The following RHBG variants were observed in gnomAD, a reference collection of about 807,000 sequenced individuals.
The protein encoded by RHBG is Rh family B glycoprotein, also known as ammonium transporter Rh type B.
RHBG carries 39 observed loss-of-function variants against 40.1 expected under a neutral mutation model. That is an observed-to-expected ratio of 0.97 (90% confidence interval 0.75 to 1.27). The LOEUF is 1.27. Among genes scored for constraint, RHBG ranks in the 50% most tolerant of loss-of-function variants. The pLI, the probability that RHBG is intolerant of heterozygous loss-of-function variation, is 0.00. For synonymous variants in RHBG, 237 were observed against 252.5 expected, an observed-to-expected ratio of 0.94 and a Z score of 0.58; for missense variants, 549 against 588.1, an observed-to-expected ratio of 0.93 and a Z score of 0.69.
chr1:156,382,002 C>T, intron 6 of RHBG, 59 bp downstream of exon 6: 1 of 1,608,428 alleles, frequency 6.2e-7, no homozygotes, highest in East Asian at 2.2e-5. Flanking sequence ...TTTCCTCCCG[C>T]CTCTCCAACA....
At chr1:156,374,209 A>C in intron 1 of RHBG, among the ~76,000 whole-genome samples, 1 of 152,260 alleles carries the variant, frequency 6.6e-6, no homozygotes, top group Non-Finnish European at 1.5e-5. Flanking sequence ...CCTTATGAGA[A>C]TCTAATGCCT....
Position 156,382,849 on chromosome 1 carries a change from C to A in RHBG, c.1214C>A (p.Ser405Tyr). Residue 405 changes from serine to tyrosine, a missense_variant, in exon 8 of 10, where the codon TCT becomes TAT. Ser to Tyr is a moderately radical substitution (Grantham distance 144). This residue lies in a region of RHBG where 399 missense variants were observed against 417.0 expected (regional missense o/e 0.96). Transcript: ENST00000537040. ...CTGTTTGTCACACTGATGTTTGCCTCTGTGGGCGGGGGCCTTGGAGGTGAG... is the reference window on the plus strand; with the variant it reads ...CTGTTTGTCACACTGATGTTTGCCTATGTGGGCGGGGGCCTTGGAGGTGAG... ...FGLFVTLMFA[S>Y]VGGGLGGLLL... The A allele has an allele frequency of 1.9e-6, 3 of 1,614,236 alleles. No homozygotes were observed. Among genetic ancestry groups the A allele is most frequent in the Non-Finnish European group, 2.5e-6 (3 of 1,180,046 alleles).
chr1:156,382,664 TCCAGTGCCATGAGCAGC>T, intron 7 of RHBG, 67 bp from the exon 8 acceptor site: 2 of 1,533,394 alleles, frequency 1.3e-6, no homozygotes, highest in Non-Finnish European at 1.8e-6. Flanking sequence ...CAGTGTGAGT[TCCAGTGCCATGAGCAGC>T]CCTGGCCCCG....
At chr1:156,372,823 ACT>A (rs1301717577) in intron 1 of RHBG, among the ~76,000 whole-genome samples, 2 of 151,554 alleles carry the variant, frequency 1.3e-5, no homozygotes, top group Non-Finnish European at 2.9e-5. Flanking sequence ...ACAGGGTCTC[ACT>A]CTGTCATCCA....
chr1:156,383,826 C>CTT (rs1553193438), intron 8 of RHBG, among the ~76,000 whole-genome samples: 1 of 95,756 alleles, frequency 1.0e-5, no homozygotes, highest in Non-Finnish European at 2.0e-5. Flanking sequence ...TGCGCCCGGC[C>CTT]TATTTTTTTT....
rs575652633 is a variant in RHBG, at chr1:156,378,057, G to T, written c.442G>T (p.Gly148Trp). 2 of 1,602,238 alleles carry T rather than the reference G, an allele frequency of 1.2e-6. No homozygotes were observed. The highest frequency in any genetic ancestry group is 1.7e-6 in the Non-Finnish European group (2 of 1,173,664). The change falls in exon 3 of 10, where the codon GGG (glycine) becomes TGG (tryptophan). Residue 148 changes from glycine to tryptophan, a missense_variant. By Grantham distance (184) the Gly-to-Trp change is radical (BLOSUM62 -2). Coordinates refer to ENST00000537040, the MANE Select transcript of RHBG (RefSeq NM_020407.5). The part of the protein sequence containing the change: ...ISFGAVLGKT[G>W]PTQLLLMALL... ...CTTTGGTGCCGTCCTGGGCAAGACC[G>T]GGCCTACCCAGCTGCTGCTCATGGC... is the stretch of plus-strand genomic sequence containing the variant.
At chr1:156,374,125 T>C (rs191428579) in intron 1 of RHBG, among the ~76,000 whole-genome samples, 1 of 152,320 alleles carries the variant, frequency 6.6e-6, no homozygotes, top group Admixed American at 6.5e-5. Context: ...TGTTAGATTA[T>C]GGCTGCATTA....
At chr1:156,383,632 T>A (rs949211223) in intron 8 of RHBG, among the ~76,000 whole-genome samples, 11 of 151,860 alleles carry the variant, frequency 7.2e-5, no homozygotes, top group African/African-American at 2.4e-4. Flanking sequence ...CATGTTAACG[T>A]CTGCAAAGCA....
intron 1 of RHBG, among the ~76,000 whole-genome samples, chr1:156,375,895 A>C (rs989218165): frequency 2.6e-5 from 4 of 151,924 alleles, no homozygotes; most frequent in Admixed American, 2.6e-4. Context: ...ACATGCCACC[A>C]TGCCAAGCTG....
At position 156,378,045 on chromosome 1, in the gene RHBG, C is replaced by T. The variant is rs1667338703; in HGVS notation, c.430C>T (p.Leu144=). ...CGTGCTCATCTCCTTTGGTGCCGTC[C>T]TGGGCAAGACCGGGCCTACCCAGCT... is the stretch of plus-strand genomic sequence containing the variant. ...GAVLISFGAV[L]GKTGPTQLLL... The change falls in exon 3 of 10, where the codon CTG becomes TTG. Residue 144 remains leucine (L), a synonymous_variant. Transcript: ENST00000537040. 6.3e-7 allele frequency: 1 copy of T among 1,592,288 alleles called. No individual in the cohort carries two copies. Among genetic ancestry groups the T allele is most frequent in the South Asian group, 1.1e-5 (1 of 87,354 alleles).
chr1:156,379,271 C>T (rs916763108), intron 4 of RHBG, among the ~76,000 whole-genome samples: 1 of 152,200 alleles, frequency 6.6e-6, no homozygotes, highest in African/African-American at 2.4e-5. Context: ...GCTGGGATTA[C>T]AGGCGTGAGC....
rs115077245 is a variant in RHBG, at chr1:156,375,501, G to T, written c.188-1800G>T. 6.6e-3 allele frequency among the ~76,000 whole-genome samples: 991 copies of T among 150,814 alleles called. 5 individuals are homozygous for T. Among genetic ancestry groups the T allele is most frequent in the Non-Finnish European group, 9.9e-3 (674 of 67,822 alleles). The stretch of plus-strand genomic sequence containing the variant: ...AAAGCATGCTTCTGTCAAAGTTACT[G>T]ATTGCATTCTAAAGTTCAGTAATTG... On this transcript the variant is annotated intron_variant, in intron 1 of 9. Transcript: ENST00000537040.
Position 156,381,532 on chromosome 1 carries a change from C to G in RHBG, c.840+19C>G. The G allele has an allele frequency of 6.3e-7, 1 of 1,588,390 alleles. No homozygotes were observed. On this transcript the variant is annotated intron_variant, in intron 5 of 9. Coordinates refer to ENST00000537040, the MANE Select transcript of RHBG (RefSeq NM_020407.5). ...TGACATGGTATGGGGAAGAGGACTT[C>G]AGAGAGGCAGAGGGGGTGGCCTGGG...
In RHBG at chr1:156,369,553, T is replaced by G. The variant is rs559590025; in HGVS notation, c.187+117T>G. On this transcript the variant is annotated intron_variant, in intron 1 of 9. Coordinates refer to ENST00000537040, the MANE Select transcript of RHBG (RefSeq NM_020407.5). ...ATTTAGCTGGGCAGCCGTCTCGCTCTGAGGTGGAGGGGCTCTGGGTTTAAA... is the reference window on the plus strand; with the variant it reads ...ATTTAGCTGGGCAGCCGTCTCGCTCGGAGGTGGAGGGGCTCTGGGTTTAAA... The G allele has an allele frequency of 1.1e-5, 12 of 1,132,628 alleles. No homozygotes were observed. The East Asian group carries it at 1.6e-4, about 15-fold the overall frequency. 70.2% of individuals were successfully genotyped at this position (1,132,628 alleles called of 1,614,324 possible).
rs1026940195 is a variant in RHBG, at chr1:156,373,469, T to C, written c.188-3832T>C. On this transcript the variant is annotated intron_variant, in intron 1 of 9. Coordinates refer to ENST00000537040, the MANE Select transcript of RHBG (RefSeq NM_020407.5). ...TGGATTTGGTGGGGGTGGGGTGGGG[T>C]GGGCATCAGACTCCATCCCACCCGC... Among the ~76,000 whole-genome samples, 4 of 63,320 alleles carry C rather than the reference T, an allele frequency of 6.3e-5. No individual in the cohort carries two copies. In the Admixed American group the frequency reaches 6.4e-4, roughly 10 times the overall value. The allele number at this position is 63,320 out of a possible 152,430, so 41.5% of individuals were successfully genotyped here.
intron 4 of RHBG, among the ~76,000 whole-genome samples, chr1:156,379,435 A>G (rs1667464146): frequency 6.6e-6 from 1 of 152,102 alleles, no homozygotes; most frequent in African/African-American, 2.4e-5. Flanking sequence ...ACCTATTCCT[A>G]TATGAAACAG....
chr1:156,373,857 G>A (rs1438829479), intron 1 of RHBG, among the ~76,000 whole-genome samples: 3 of 152,150 alleles, frequency 2.0e-5, no homozygotes, highest in Admixed American at 2.0e-4. Flanking sequence ...CAGGCAGTGA[G>A]GCTAAAAGAA....
Position 156,376,422 on chromosome 1 carries a change from G to A in RHBG, c.188-879G>A, listed in dbSNP as rs61570191. ...TCTGTCACCCAGGCTGGAGTGCAGA[G>A]GTATGATCTTGGCTTACTGCAGCGT... is the stretch of plus-strand genomic sequence containing the variant. On this transcript the variant is annotated intron_variant, in intron 1 of 9. Coordinates refer to ENST00000537040, the MANE Select transcript of RHBG (RefSeq NM_020407.5). 0.016 allele frequency among the ~76,000 whole-genome samples: 2,473 copies of A among 150,982 alleles called. 161 individuals are homozygous for A. In the East Asian group the frequency reaches 0.22, roughly 13 times the overall value.
At chr1:156,369,743 C>G (rs904091418) in intron 1 of RHBG, among the ~76,000 whole-genome samples, 1 of 151,918 alleles carries the variant, frequency 6.6e-6, no homozygotes, top group Non-Finnish European at 1.5e-5. Context: ...GGATTGGAAG[C>G]CAGATCTAGA....
Sources: allele counts gnomAD v4.1 joint callset (sites outside exome capture counted in the v4.1 genomes callset), GRCh38; gene constraint gnomAD v4.1.1; regional missense constraint gnomAD v4.1.1; transcripts MANE v1.5; gene names NCBI Gene and HGNC (gene_info 2026-07-23, HGNC 2026-07-21).